Variants in PPP2R2B observed in about 807,000 individuals in gnomAD.
PPP2R2B encodes serine/threonine-protein phosphatase 2A 55 kDa regulatory subunit B beta isoform.
Under a neutral mutation model 46.0 loss-of-function variants are expected in PPP2R2B, and 5 were observed. The ratio of observed to expected loss-of-function variants is 0.11; its 90% CI spans 0.06 to 0.23. The LOEUF is 0.23. Ranked by LOEUF, PPP2R2B falls within the 10% of genes least tolerant of loss-of-function variation. The pLI is 1.00. For synonymous variants in PPP2R2B, 215 were observed against 206.7 expected (o/e 1.04, Z -0.34); for missense variants, 367 against 575.0 (o/e 0.64, Z 3.70).
At chr5:146,681,262 C>A (rs1351558696) in intron 5 of PPP2R2B, among the ~76,000 whole-genome samples, 1 of 152,152 alleles carries the variant, frequency 6.6e-6, no homozygotes, top group Admixed American at 6.5e-5. Context: ...GGGATCTAGG[C>A]ATGTATTTTT....
chr5:146,918,718 G>A (rs1478004052), intron 1 of PPP2R2B, among the ~76,000 whole-genome samples: 1 of 151,976 alleles, frequency 6.6e-6, no homozygotes, highest in East Asian at 1.9e-4. Flanking sequence ...TTGCCAATAG[G>A]CCTTTAAATA....
intron 1 of PPP2R2B, among the ~76,000 whole-genome samples, chr5:146,905,523 G>A (rs990949261): frequency 6.6e-6 from 1 of 152,032 alleles, no homozygotes; most frequent in African/African-American, 2.4e-5. Context: ...CCAAAATGTT[G>A]GGATTAAAGA....
chr5:146,647,331 A>C (rs375763164), intron 6 of PPP2R2B, among the ~76,000 whole-genome samples: 8 of 132,698 alleles, frequency 6.0e-5, no homozygotes, highest in African/African-American at 2.2e-4. Flanking sequence ...TTTGTGAATA[A>C]GGGGCATTGT....
At chr5:146,767,045 CAAAAAAAAAAAA>C (rs10605079) in intron 2 of PPP2R2B, among the ~76,000 whole-genome samples, 36 of 46,310 alleles carry the variant, frequency 7.8e-4, no homozygotes, top group African/African-American at 3.5e-3. Flanking sequence ...AGAAGTGTCT[CAAAAAAAAAAAA>C]AAAAAAAAAA....
At chr5:146,682,177 A>G (rs1316306932) in intron 5 of PPP2R2B, among the ~76,000 whole-genome samples, 2 of 152,198 alleles carry the variant, frequency 1.3e-5, no homozygotes, top group Non-Finnish European at 2.9e-5. Flanking sequence ...GGATGAAAGA[A>G]AATATTTTAT....
At chr5:147,068,526 G>T (rs912688046) in intron 2 of PPP2R2B, among the ~76,000 whole-genome samples, 18 of 152,098 alleles carry the variant, frequency 1.2e-4, no homozygotes, top group Non-Finnish European at 2.5e-4. Context: ...AATAAAGTTT[G>T]TTATTTATTT....
chr5:146,748,062 A>T (rs1223530674), intron 2 of PPP2R2B, among the ~76,000 whole-genome samples: 2 of 152,166 alleles, frequency 1.3e-5, no homozygotes, highest in African/African-American at 2.4e-5. Flanking sequence ...TTGGCCAAAC[A>T]TAGGCAAGCT....
At chr5:146,638,536 T>C (rs1364795441) in intron 6 of PPP2R2B, 121 bp from the exon 7 acceptor site, 1 of 915,654 alleles carries the variant, frequency 1.1e-6, no homozygotes, top group Non-Finnish European at 1.6e-6. Flanking sequence ...ATGCACATGG[T>C]AGATCCTCAT....
chr5:146,794,592 C>A (rs147347143), intron 2 of PPP2R2B, among the ~76,000 whole-genome samples: 1 of 152,196 alleles, frequency 6.6e-6, no homozygotes, highest in East Asian at 1.9e-4. Context: ...CTCAGAAATG[C>A]GCATATAACT....
intron 2 of PPP2R2B, among the ~76,000 whole-genome samples, chr5:146,763,881 C>A (rs1386899840): frequency 2.0e-5 from 3 of 152,048 alleles, no homozygotes; most frequent in Non-Finnish European, 4.4e-5. Context: ...TGCTACCATG[C>A]CTGGCTAATT....
At chr5:146,904,847 A>T (rs1000659510) in intron 1 of PPP2R2B, among the ~76,000 whole-genome samples, 2 of 152,190 alleles carry the variant, frequency 1.3e-5, no homozygotes, top group Admixed American at 6.5e-5. Context: ...AACATGAGGA[A>T]CCAGATACAA....
chr5:146,701,255 G>A, intron 2 of PPP2R2B, 113 bp from the exon 3 acceptor site: 1 of 984,136 alleles, frequency 1.0e-6, no homozygotes, highest in African/African-American at 1.6e-5. Flanking sequence ...TCTCTGCAGT[G>A]GAATTTACAA....
chr5:146,754,652 T>C (rs541531681), intron 2 of PPP2R2B, among the ~76,000 whole-genome samples: 2 of 152,288 alleles, frequency 1.3e-5, no homozygotes, highest in African/African-American at 4.8e-5. Flanking sequence ...TAAAAAGGTA[T>C]TGTGGCTTCC....
chr5:146,628,517 A>G (rs186523), intron 7 of PPP2R2B, among the ~76,000 whole-genome samples: 31,746 of 152,030 alleles, frequency 0.21, 4,733 homozygotes, highest in African/African-American at 0.42. Flanking sequence ...CTGGCTCCTC[A>G]CCCTGGCCCT....
chr5:146,986,965 C>T (rs1475274033), intron 1 of PPP2R2B, among the ~76,000 whole-genome samples: 2 of 151,768 alleles, frequency 1.3e-5, no homozygotes, highest in Non-Finnish European at 2.9e-5. Context: ...ATATAATAAA[C>T]TCTCAAATGT....
At chr5:146,833,662 T>C (rs767609041) in intron 2 of PPP2R2B, among the ~76,000 whole-genome samples, 64 of 152,142 alleles carry the variant, frequency 4.2e-4, no homozygotes, top group Non-Finnish European at 8.8e-4. Context: ...CTCTGGTGAA[T>C]GGGTATTAAT....
chr5:146,649,692 C>T (rs1775824763), intron 6 of PPP2R2B, among the ~76,000 whole-genome samples: 1 of 152,138 alleles, frequency 6.6e-6, no homozygotes, highest in African/African-American at 2.4e-5. Context: ...TGAAGCAATC[C>T]ACCTACCTAG....
At position 146,619,267 on chromosome 5, in the gene PPP2R2B, C is replaced by A. The variant is rs556081426; in HGVS notation, c.791-18807G>T. 3.3e-5 allele frequency among the ~76,000 whole-genome samples: 5 copies of A among 150,494 alleles called. No individual in the cohort carries two copies. The East Asian group carries it at 9.8e-4, about 29-fold the overall frequency. ...TCCACCTGAGGTCAGCAGTTCGAAG[C>A]CAGCCTGGCCAACAAGGCAAAACCC... On this transcript the variant is annotated intron_variant, in intron 7 of 9. Transcript: ENST00000394411.
chr5:146,981,745 T>C (rs1466424900), intron 1 of PPP2R2B, among the ~76,000 whole-genome samples: 1 of 152,222 alleles, frequency 6.6e-6, no homozygotes, highest in African/African-American at 2.4e-5. Flanking sequence ...TTCCTCTCAC[T>C]TAAACCCCCT....
Sources: gnomAD v4.1 joint callset for allele counts (sites outside exome capture counted in the v4.1 genomes callset) on GRCh38, gnomAD v4.1.1 for gene constraint, MANE v1.5 for transcripts, NCBI Gene and HGNC (gene_info 2026-07-23, HGNC 2026-07-21) for gene names.